HCN1: variants seen among roughly 807,000 people sequenced by gnomAD.
The protein encoded by HCN1 is hyperpolarization activated cyclic nucleotide gated potassium channel 1, also known as potassium/sodium hyperpolarization-activated cyclic nucleotide-gated channel 1.
A neutral mutation model predicts 78.9 loss-of-function variants in HCN1; 13 were observed. The observed-to-expected ratio is 0.16, with a 90% CI of 0.11 to 0.26. HCN1 has a LOEUF of 0.26. HCN1 is among the 10% of genes least tolerant of loss of function. The probability of loss-of-function intolerance (pLI) is 1.00; values close to 1 mark genes in which losing one functional copy is unlikely to be tolerated. For missense variants in HCN1, 810 were observed against 1,154.3 expected (o/e 0.70, Z 4.32); for synonymous variants, 552 against 455.5 (o/e 1.21, Z -2.70).
At chr5:45,303,512 A>C in intron 6 of HCN1, 87 bp downstream of exon 6, 1 of 1,419,508 alleles carries the variant, frequency 7.0e-7, no homozygotes, top group South Asian at 1.2e-5. Flanking sequence ...AAAACCAAAA[A>C]ACTGACATGC....
chr5:45,489,790 T>C (rs1741841939), intron 2 of HCN1, among the ~76,000 whole-genome samples: 1 of 152,176 alleles, frequency 6.6e-6, no homozygotes, highest in Admixed American at 6.6e-5. Context: ...AGACAGCCAG[T>C]GAAGGTACGA....
chr5:45,381,975 C>T lies in HCN1; in HGVS notation c.1230+14517G>A, dbSNP rs76826732. ...TCTTCCTATTTGAGCTTCAATCCTA[C>T]TGTCCAGCCATTGTCCTCCGCACTG... On this transcript the variant is annotated intron_variant, in intron 4 of 7. Transcript: ENST00000303230. 5.9e-3 allele frequency among the ~76,000 whole-genome samples: 902 copies of T among 152,294 alleles called. 5 individuals carry two copies. Among genetic ancestry groups the T allele is most frequent in the Non-Finnish European group, 8.5e-3 (580 of 68,030 alleles).
At chr5:45,318,224 A>G (rs2111930830) in intron 5 of HCN1, among the ~76,000 whole-genome samples, 1 of 152,324 alleles carries the variant, frequency 6.6e-6, no homozygotes, top group Admixed American at 6.5e-5. Flanking sequence ...ACCATGGAAT[A>G]CTATGCAGCC....
intron 3 of HCN1, among the ~76,000 whole-genome samples, chr5:45,425,296 C>T (rs534139753): frequency 1.1e-4 from 17 of 152,190 alleles, no homozygotes; most frequent in Non-Finnish European, 2.4e-4. Flanking sequence ...TTAACTCCAT[C>T]TGTGTGGCAT....
intron 6 of HCN1, among the ~76,000 whole-genome samples, chr5:45,301,861 G>T (rs1394872787): frequency 6.6e-6 from 1 of 151,610 alleles, no homozygotes; most frequent in East Asian, 1.9e-4. Context: ...TCAAAATAAT[G>T]ACAGATATTG....
chr5:45,468,918 G>A (rs940132878), intron 2 of HCN1, among the ~76,000 whole-genome samples: 1 of 151,730 alleles, frequency 6.6e-6, no homozygotes, highest in African/African-American at 2.4e-5. Context: ...TGTATAAAGG[G>A]GTCAGTACTA....
chr5:45,504,723 A>G lies in HCN1; in HGVS notation c.850-42716T>C, dbSNP rs536363608. ...TAGTTTACAGTCCCACCAACAGTGTAAAAGTGTTCCTATTTCTCCACATCC... is the reference window on the plus strand; with the variant it reads ...TAGTTTACAGTCCCACCAACAGTGTGAAAGTGTTCCTATTTCTCCACATCC... On this transcript the variant is annotated intron_variant, in intron 2 of 7. Coordinates refer to ENST00000303230, the MANE Select transcript of HCN1 (RefSeq NM_021072.4). Among the ~76,000 whole-genome samples the G allele has an allele frequency of 5.4e-3, 815 of 152,286 alleles. 26 individuals are homozygous for G. The highest frequency in any genetic ancestry group is 0.048 in the Admixed American group (738 of 15,292).
Position 45,292,865 on chromosome 5 carries a change from C to T in HCN1, c.1618+10734G>A, listed in dbSNP as rs143343475. On this transcript the variant is annotated intron_variant, in intron 6 of 7. Transcript: ENST00000303230. ...AAATGTTCTTACTGAGTGTTGTTCA[C>T]ACACTGTGCTCTGGTTTTACATGTT... 4.6e-3 allele frequency among the ~76,000 whole-genome samples: 695 copies of T among 152,088 alleles called. 6 individuals carry two copies. Among genetic ancestry groups the T allele is most frequent in the African/African-American group, 0.016 (677 of 41,540 alleles).
chr5:45,467,009 C>T (rs1426854151), intron 2 of HCN1, among the ~76,000 whole-genome samples: 2 of 152,110 alleles, frequency 1.3e-5, no homozygotes, highest in African/African-American at 4.8e-5. Flanking sequence ...AAGCAATAAT[C>T]CACTCTTCAG....
chr5:45,581,486 T>C (rs544660945), intron 2 of HCN1, among the ~76,000 whole-genome samples: 1 of 152,234 alleles, frequency 6.6e-6, no homozygotes, highest in South Asian at 2.1e-4. Context: ...TTCACTCTGA[T>C]GGCAGTTTCT....
chr5:45,426,975 T>C (rs1304294285), intron 3 of HCN1, among the ~76,000 whole-genome samples: 1 of 151,986 alleles, frequency 6.6e-6, no homozygotes, highest in African/African-American at 2.4e-5. Context: ...TATATGGCTA[T>C]AATTATAATA....
At chr5:45,503,948 G>A (rs1256873446) in intron 2 of HCN1, among the ~76,000 whole-genome samples, 1 of 151,886 alleles carries the variant, frequency 6.6e-6, no homozygotes, top group Non-Finnish European at 1.5e-5. Flanking sequence ...ACCACACCCA[G>A]CTAATTTTTG....
At position 45,448,279 on chromosome 5, in the gene HCN1, T is replaced by G. The variant is rs374054008; in HGVS notation, c.1011+13567A>C. Among the ~76,000 whole-genome samples, 44 of 152,352 alleles carry G rather than the reference T, an allele frequency of 2.9e-4. No individual in the cohort carries two copies. In the South Asian group the frequency reaches 8.7e-3, roughly 30 times the overall value. ...GTGCAATTCACATAAGCCAGGGGAT[T>G]GAGCTCATTTGGAATACCAAAGTAT... On this transcript the variant is annotated intron_variant, in intron 3 of 7. Transcript: ENST00000303230.
chr5:45,666,078 G>C (rs1379399499), intron 1 of HCN1, among the ~76,000 whole-genome samples: 1 of 151,924 alleles, frequency 6.6e-6, no homozygotes, highest in Non-Finnish European at 1.5e-5. Flanking sequence ...ATAATCCCAC[G>C]GTCTCTGAGC....
At chr5:45,484,108 A>G (rs1262449143) in intron 2 of HCN1, among the ~76,000 whole-genome samples, 2 of 152,054 alleles carry the variant, frequency 1.3e-5, no homozygotes, top group African/African-American at 4.8e-5. Flanking sequence ...TTTTAAACAA[A>G]TCCCCATTAC....
intron 1 of HCN1, among the ~76,000 whole-genome samples, chr5:45,676,879 T>C (rs1246182735): frequency 1.3e-5 from 2 of 151,814 alleles, no homozygotes; most frequent in Non-Finnish European, 2.9e-5. Flanking sequence ...TAGTTAATTA[T>C]TACCTACCAT....
intron 3 of HCN1, among the ~76,000 whole-genome samples, chr5:45,449,417 G>A (rs1458444724): frequency 1.3e-5 from 2 of 152,082 alleles, no homozygotes; most frequent in Non-Finnish European, 2.9e-5. Context: ...TTTTGTTGAA[G>A]TAGATTCTCA....
At chr5:45,381,827 CA>C (rs1424186090) in intron 4 of HCN1, among the ~76,000 whole-genome samples, 1 of 152,154 alleles carries the variant, frequency 6.6e-6, no homozygotes, top group Non-Finnish European at 1.5e-5. Flanking sequence ...CCCCACACCA[CA>C]GCCAACATGG....
intron 3 of HCN1, among the ~76,000 whole-genome samples, chr5:45,433,638 A>C (rs1238700940): frequency 6.6e-6 from 1 of 152,146 alleles, no homozygotes; most frequent in African/African-American, 2.4e-5. Flanking sequence ...ATAGGCACTA[A>C]AGCACAGCTG....
Sources: allele counts gnomAD v4.1 joint callset (sites outside exome capture counted in the v4.1 genomes callset), GRCh38; gene constraint gnomAD v4.1.1; transcripts MANE v1.5; gene names NCBI Gene and HGNC (gene_info 2026-07-23, HGNC 2026-07-21).